The following TCF7L1 variants were observed in gnomAD, a reference collection of about 807,000 sequenced individuals.
The protein encoded by TCF7L1 is transcription factor 7 like 1, also known as transcription factor 7-like 1.
Under a neutral mutation model 63.7 loss-of-function variants are expected in TCF7L1, and 18 were observed. That is an observed-to-expected ratio of 0.28 (90% CI 0.20 to 0.42). TCF7L1 has a LOEUF of 0.42. Among genes scored for constraint, TCF7L1 ranks in the 10% least tolerant of loss-of-function variants. The pLI is 1.00. For missense variants in TCF7L1, 654 were observed against 779.3 expected, an observed-to-expected ratio of 0.84 and a Z score of 1.91; for synonymous variants, 355 against 340.9, an observed-to-expected ratio of 1.04 and a Z score of -0.46.
At chr2:85,292,717 C>A (rs139922251) in intron 4 of TCF7L1, among the ~76,000 whole-genome samples, 7,077 of 152,302 alleles carry the variant, frequency 0.046, 175 homozygotes, top group African/African-American at 0.055. Flanking sequence ...GCTGGAACCA[C>A]AGGTGTGCAC....
intron 3 of TCF7L1, among the ~76,000 whole-genome samples, chr2:85,176,664 C>A (rs938443543): frequency 6.6e-6 from 1 of 152,110 alleles, no homozygotes; most frequent in Admixed American, 6.5e-5. Flanking sequence ...ATTTTGGAAG[C>A]CTGACATCTT....
intron 3 of TCF7L1, among the ~76,000 whole-genome samples, chr2:85,192,613 C>T (rs909471854): frequency 6.6e-6 from 1 of 151,932 alleles, no homozygotes; most frequent in Non-Finnish European, 1.5e-5. Context: ...GAACTCCTGG[C>T]CTCAGGTGAT....
intron 3 of TCF7L1, among the ~76,000 whole-genome samples, chr2:85,172,569 G>A (rs1300163099): frequency 6.6e-6 from 1 of 152,118 alleles, no homozygotes; most frequent in Non-Finnish European, 1.5e-5. Flanking sequence ...TGGGATTATA[G>A]GCAGGTGCCA....
intron 3 of TCF7L1, among the ~76,000 whole-genome samples, chr2:85,223,036 G>C (rs750566932): frequency 8.5e-5 from 13 of 152,156 alleles, no homozygotes; most frequent in Non-Finnish European, 1.5e-4. Flanking sequence ...GGCTTAACCA[G>C]ATTCATTATA....
chr2:85,181,629 G>A (rs568499884), intron 3 of TCF7L1, among the ~76,000 whole-genome samples: 1 of 152,264 alleles, frequency 6.6e-6, no homozygotes, highest in East Asian at 1.9e-4. Flanking sequence ...GCTGGCTGGA[G>A]GAGAGGGAGA....
intron 3 of TCF7L1, among the ~76,000 whole-genome samples, chr2:85,193,906 G>A (rs1318873533): frequency 6.6e-6 from 1 of 151,874 alleles, no homozygotes; most frequent in African/African-American, 2.4e-5. Context: ...GTATGTGGAA[G>A]TTCATTTTAC....
chr2:85,214,463 C>T (rs1005483210), intron 3 of TCF7L1, among the ~76,000 whole-genome samples: 3 of 152,262 alleles, frequency 2.0e-5, no homozygotes, highest in East Asian at 3.9e-4. Context: ...GAATTGGGAG[C>T]CTTGATTTGA....
At chr2:85,207,634 T>TG (rs1679439277) in intron 3 of TCF7L1, among the ~76,000 whole-genome samples, 1 of 151,582 alleles carries the variant, frequency 6.6e-6, no homozygotes, top group African/African-American at 2.4e-5. Context: ...GATGGACAGC[T>TG]GGAATAGTTC....
In TCF7L1 at chr2:85,306,448, C is replaced by G. The variant is rs56311472; in HGVS notation, c.1150-4C>G. The G allele has an allele frequency of 7.2e-3, 11,577 of 1,614,084 alleles. 662 individuals carry two copies. In the African/African-American group the frequency reaches 0.13, roughly 19 times the overall value. ...CGTGTGGTCTCTGACCCTCTCTCCC[C>G]CAGTGGCACAACCTGTCTCGAGAAG... On this transcript the variant is annotated splice_polypyrimidine_tract_variant and splice_region_variant and intron_variant, in intron 9 of 11. Coordinates refer to ENST00000282111, the MANE Select transcript of TCF7L1 (RefSeq NM_031283.3). The surrounding 1 kb of genome is among the most constrained non-coding windows in gnomAD (Gnocchi z 4.3).
intron 3 of TCF7L1, among the ~76,000 whole-genome samples, chr2:85,277,665 G>T (rs1188962332): frequency 6.6e-6 from 1 of 152,194 alleles, no homozygotes; most frequent in Non-Finnish European, 1.5e-5. Context: ...TCTGCCTACT[G>T]GGCCTTTCCT....
At position 85,133,594 on chromosome 2, in the gene TCF7L1, G is replaced by C; in HGVS notation, c.-91G>C. 5.1e-6 allele frequency: 2 copies of C among 393,978 alleles called. No homozygotes were observed. Among genetic ancestry groups the C allele is most frequent in the South Asian group, 2.0e-4 (2 of 10,026 alleles). The allele number at this position is 393,978 out of a possible 1,614,324, so 24.4% of individuals were successfully genotyped here. On this transcript the variant is annotated 5_prime_UTR_variant, in exon 1 of 12. Coordinates refer to ENST00000282111, the MANE Select transcript of TCF7L1 (RefSeq NM_031283.3). The surrounding 1 kb of genome is among the most constrained non-coding windows in gnomAD (Gnocchi z 4.4). ...TTGCGGCGGCTAGCGCAGCGGGCCC[G>C]CAAGCGGGCGGGAGGGGCGCCGGGC...
chr2:85,215,976 G>T (rs1016134881), intron 3 of TCF7L1, among the ~76,000 whole-genome samples: 7 of 152,102 alleles, frequency 4.6e-5, no homozygotes, highest in Non-Finnish European at 8.8e-5. Context: ...GTCAAATTAG[G>T]GTTTTGAGGC....
intron 3 of TCF7L1, among the ~76,000 whole-genome samples, chr2:85,249,578 G>T (rs868105994): frequency 4.0e-4 from 61 of 152,302 alleles, no homozygotes; most frequent in African/African-American, 1.4e-3. Flanking sequence ...GACCCCAGTT[G>T]CCACTCACCT....
At chr2:85,165,514 G>T (rs1558621382) in intron 3 of TCF7L1, among the ~76,000 whole-genome samples, 2 of 152,202 alleles carry the variant, frequency 1.3e-5, no homozygotes, top group Non-Finnish European at 2.9e-5. Context: ...CTTGCCTTGA[G>T]ACGTGACCTT....
At chr2:85,191,199 T>C (rs1397752464) in intron 3 of TCF7L1, among the ~76,000 whole-genome samples, 2 of 152,184 alleles carry the variant, frequency 1.3e-5, no homozygotes, top group Non-Finnish European at 2.9e-5. Context: ...GCTTTCCTAC[T>C]TGTCACATAC....
At chr2:85,307,069 G>C (rs1057070498) in intron 10 of TCF7L1, among the ~76,000 whole-genome samples, 7 of 152,158 alleles carry the variant, frequency 4.6e-5, no homozygotes, top group Non-Finnish European at 1.0e-4. Context: ...TCCTGAGGAC[G>C]GACTTCAGTT....
chr2:85,285,081 A>G (rs1681510903), intron 4 of TCF7L1, among the ~76,000 whole-genome samples: 1 of 152,090 alleles, frequency 6.6e-6, no homozygotes. Flanking sequence ...AAAATACAAA[A>G]AATTAGCCAG....
intron 3 of TCF7L1, among the ~76,000 whole-genome samples, chr2:85,274,019 G>A (rs1220269579): frequency 6.6e-6 from 1 of 152,228 alleles, no homozygotes; most frequent in Non-Finnish European, 1.5e-5. Flanking sequence ...GAGGGCCTGA[G>A]GGGAGGGAAG....
intron 3 of TCF7L1, among the ~76,000 whole-genome samples, chr2:85,280,878 G>A (rs1681396671): frequency 6.6e-6 from 1 of 152,168 alleles, no homozygotes; most frequent in Admixed American, 6.5e-5. Context: ...GTGGAGAGTT[G>A]AGGAAGACAG....
Sources: allele counts gnomAD v4.1 joint callset (sites outside exome capture counted in the v4.1 genomes callset), GRCh38; gene constraint gnomAD v4.1.1; non-coding constraint Gnocchi (gnomAD v3.1); transcripts MANE v1.5; gene names NCBI Gene and HGNC (gene_info 2026-07-23, HGNC 2026-07-21).